The following MVB12B variants were observed in gnomAD, a reference collection of about 807,000 sequenced individuals.
MVB12B encodes the protein ESCRT-I complex subunit MVB12B.
A neutral mutation model predicts 41.6 loss-of-function variants in MVB12B; 16 were observed. The ratio of observed to expected loss-of-function variants is 0.38; its 90% confidence interval spans 0.26 to 0.58. The LOEUF (loss-of-function observed/expected upper bound fraction) is 0.58. Ranked by LOEUF, MVB12B falls within the 20% of genes least tolerant of loss-of-function variation. The pLI is 0.62. For synonymous variants in MVB12B, 133 were observed against 139.7 expected (o/e 0.95, Z 0.34); for missense variants, 274 against 380.2 (o/e 0.72, Z 2.32).
At chr9:126,471,345 C>T (rs1042295135) in intron 7 of MVB12B, among the ~76,000 whole-genome samples, 4 of 152,216 alleles carry the variant, frequency 2.6e-5, no homozygotes, top group Non-Finnish European at 4.4e-5. Flanking sequence ...GGGCCCAGCT[C>T]GGCGTTCACA....
At position 126,500,909 on chromosome 9, in the gene MVB12B, G is replaced by A. The variant is rs573118429; in HGVS notation, c.874-2268G>A. ...ACGCCCCGTGCATGTGCCCTCGGAG[G>A]TGGCCTTCATGCTGGGCTGTGCTGG... is the stretch of plus-strand genomic sequence containing the variant. On this transcript the variant is annotated intron_variant, in intron 9 of 9. Transcript: ENST00000361171. Among the ~76,000 whole-genome samples the A allele has an allele frequency of 5.3e-5, 8 of 152,330 alleles. No individual in the cohort carries two copies. The South Asian group carries it at 1.4e-3, about 28-fold the overall frequency.
At chr9:126,328,846 C>T (rs969075377) in intron 1 of MVB12B, among the ~76,000 whole-genome samples, 1 of 151,926 alleles carries the variant, frequency 6.6e-6, no homozygotes, top group African/African-American at 2.4e-5. Context: ...GCAGTGGTAC[C>T]ATCATGGCTC....
At chr9:126,334,153 G>T (rs1829213649) in intron 1 of MVB12B, among the ~76,000 whole-genome samples, 1 of 152,206 alleles carries the variant, frequency 6.6e-6, no homozygotes, top group Non-Finnish European at 1.5e-5. Context: ...TCAGTGCTTA[G>T]CCCAAGTGGC....
rs960126378 is a variant in MVB12B, at chr9:126,389,582, C to T, written c.410-2484C>T. 2.0e-4 allele frequency among the ~76,000 whole-genome samples: 30 copies of T among 152,150 alleles called. No individual in the cohort carries two copies. Among genetic ancestry groups the T allele is most frequent in the Non-Finnish European group, 3.5e-4 (24 of 68,016 alleles). ...CTCTTAACCCCGAGTTTGCTGCAGA[C>T]GGAAGAATGGAGCCAAGAGCAGCGT... On this transcript the variant is annotated intron_variant, in intron 4 of 9. Transcript: ENST00000361171. The surrounding 1 kb of genome is among the most constrained non-coding windows in gnomAD (Gnocchi z 4.4).
At chr9:126,433,215 A>G (rs1469667585) in intron 7 of MVB12B, among the ~76,000 whole-genome samples, 1 of 150,012 alleles carries the variant, frequency 6.7e-6, no homozygotes, top group African/African-American at 2.5e-5. Context: ...AGAAAGTGCT[A>G]TTGATGTATT....
chr9:126,408,241 G>C (rs73668021), intron 6 of MVB12B: 1 of 152,070 alleles, frequency 6.6e-6, no homozygotes, highest in Non-Finnish European at 1.5e-5. Flanking sequence ...TATGTCATCC[G>C]GCACCCGTGA....
Position 126,370,379 on chromosome 9 carries a change from C to CTT in MVB12B, c.205-10668_205-10667dup, listed in dbSNP as rs375770122. Among the ~76,000 whole-genome samples the CTT allele has an allele frequency of 1.8e-3, 235 of 131,644 alleles. 2 individuals carry two copies. The highest frequency in any genetic ancestry group is 2.7e-3 in the Non-Finnish European group (166 of 61,800). 86.4% of individuals were successfully genotyped at this position (131,644 alleles called of 152,430 possible). A position where few individuals can be genotyped will look rare whatever the true frequency, so the allele number is the denominator to read the frequency against. On this transcript the variant is annotated intron_variant, in intron 2 of 9. Transcript: ENST00000361171. ...TTTTTCTTATTGCTTGGGAGGGGCTCTTTTTTTTTTTTTTTTTTCCCCAGA... is the reference window on the plus strand; with the variant it reads ...TTTTTCTTATTGCTTGGGAGGGGCTCTTTTTTTTTTTTTTTTTTTTCCCCAGA...
chr9:126,451,167 C>T (rs936374417), intron 7 of MVB12B, among the ~76,000 whole-genome samples: 1 of 152,198 alleles, frequency 6.6e-6, no homozygotes, highest in African/African-American at 2.4e-5. Context: ...TTTCACACCA[C>T]CACTGCCATA....
At chr9:126,451,548 G>A (rs1489926830) in intron 7 of MVB12B, among the ~76,000 whole-genome samples, 1 of 152,150 alleles carries the variant, frequency 6.6e-6, no homozygotes, top group Non-Finnish European at 1.5e-5. Flanking sequence ...AAGCCCAGGG[G>A]AATGGTCAAG....
intron 6 of MVB12B, among the ~76,000 whole-genome samples, chr9:126,415,849 G>A (rs1474065834): frequency 2.0e-5 from 3 of 152,190 alleles, no homozygotes; most frequent in Non-Finnish European, 2.9e-5. Flanking sequence ...GCCACAGGGA[G>A]GAGGCAGGTG....
chr9:126,332,952 G>A (rs372184515), intron 1 of MVB12B, among the ~76,000 whole-genome samples: 14 of 152,344 alleles, frequency 9.2e-5, no homozygotes, highest in African/African-American at 3.4e-4. Context: ...ATGTGTATGT[G>A]TGCACGAGTG....
intron 7 of MVB12B, among the ~76,000 whole-genome samples, chr9:126,434,669 C>T (rs566242354): frequency 6.6e-6 from 1 of 152,324 alleles, no homozygotes; most frequent in African/African-American, 2.4e-5. Context: ...GTGAGAAGGT[C>T]CTTGGCTCAT....
chr9:126,439,307 G>A (rs1258243998), intron 7 of MVB12B, among the ~76,000 whole-genome samples: 1 of 151,718 alleles, frequency 6.6e-6, no homozygotes, highest in African/African-American at 2.4e-5. Flanking sequence ...CACAGGGTCT[G>A]CTGGGGGTGG....
intron 2 of MVB12B, among the ~76,000 whole-genome samples, chr9:126,358,125 C>T (rs528301051): frequency 3.3e-5 from 5 of 152,222 alleles, no homozygotes; most frequent in Middle Eastern, 3.4e-3. Context: ...ATCAGCTGAT[C>T]GTAGATGTAT....
At chr9:126,466,389 A>AC (rs1833198935) in intron 7 of MVB12B, among the ~76,000 whole-genome samples, 1 of 152,328 alleles carries the variant, frequency 6.6e-6, no homozygotes, top group East Asian at 1.9e-4. Flanking sequence ...CTGGTGTCAT[A>AC]ACTGCTAATG....
At chr9:126,416,832 T>C (rs992950170) in intron 6 of MVB12B, among the ~76,000 whole-genome samples, 4 of 152,118 alleles carry the variant, frequency 2.6e-5, no homozygotes, top group African/African-American at 4.8e-5. Context: ...CAGGTGGGGC[T>C]CCATCCCACG....
chr9:126,328,832 G>C (rs1022419505), intron 1 of MVB12B, among the ~76,000 whole-genome samples: 1 of 151,994 alleles, frequency 6.6e-6, no homozygotes, highest in African/African-American at 2.4e-5. Flanking sequence ...ACTCAGGCTG[G>C]AGTGCAGTGG....
Position 126,333,837 on chromosome 9 carries a change from G to C in MVB12B, c.82-6671G>C, listed in dbSNP as rs1829199537. Reference sequence around the variant, plus strand: ...TTTTCTCCATGGAAGATTACCTTTAGGTTCATTCCATCCATCCATCCATCC... The same window carrying C: ...TTTTCTCCATGGAAGATTACCTTTACGTTCATTCCATCCATCCATCCATCC... On this transcript the variant is annotated intron_variant, in intron 1 of 9. Transcript: ENST00000361171. This position sits in a 1 kb window ranked among gnomAD's most constrained non-coding sequence, Gnocchi z 4.7. 7.0e-6 allele frequency among the ~76,000 whole-genome samples: 1 copy of C among 142,490 alleles called. No individual in the cohort carries two copies. Among genetic ancestry groups the C allele is most frequent in the Non-Finnish European group, 1.5e-5 (1 of 65,982 alleles). The allele number at this position is 142,490 out of a possible 152,430, so 93.5% of individuals were successfully genotyped here. A position where few individuals can be genotyped will look rare whatever the true frequency, so the allele number is the denominator to read the frequency against.
chr9:126,329,363 A>G (rs748932220), intron 1 of MVB12B, among the ~76,000 whole-genome samples: 6 of 152,224 alleles, frequency 3.9e-5, no homozygotes, highest in Admixed American at 1.3e-4. Context: ...ATGAAATTTA[A>G]GTGTGCGATT....
Sources: allele counts gnomAD v4.1 joint callset (sites outside exome capture counted in the v4.1 genomes callset), GRCh38; gene constraint gnomAD v4.1.1; non-coding constraint Gnocchi (gnomAD v3.1); transcripts MANE v1.5; gene names NCBI Gene and HGNC (gene_info 2026-07-23, HGNC 2026-07-21).